The following TMPRSS9 variants were observed in gnomAD, a reference collection of about 807,000 sequenced individuals.
TMPRSS9 encodes the protein transmembrane serine protease 9, also known as transmembrane protease serine 9.
TMPRSS9 carries 113 observed loss-of-function variants against 111.4 expected under a neutral mutation model. That is an observed-to-expected ratio of 1.01 (90% CI 0.87 to 1.19). The LOEUF (loss-of-function observed/expected upper bound fraction) is 1.19. Ranked by LOEUF, TMPRSS9 falls within the 50% of genes most tolerant of loss-of-function variation. TMPRSS9 has a pLI of 0.00. For missense variants in TMPRSS9, 1,803 were observed against 1,513.1 expected, an observed-to-expected ratio of 1.19 and a Z score of -3.18; for synonymous variants, 805 against 659.1, an observed-to-expected ratio of 1.22 and a Z score of -3.39.
At chr19:2,364,815 C>T (rs1970235762) in intron 1 of TMPRSS9, among the ~76,000 whole-genome samples, 1 of 151,816 alleles carries the variant, frequency 6.6e-6, no homozygotes, top group Middle Eastern at 3.2e-3. Context: ...GAAACCCCAT[C>T]TCTACTAAAA....
At chr19:2,378,681 G>C (rs1055121020) in intron 1 of TMPRSS9, among the ~76,000 whole-genome samples, 2 of 152,208 alleles carry the variant, frequency 1.3e-5, no homozygotes, top group Non-Finnish European at 2.9e-5. Flanking sequence ...TTGTGCCACT[G>C]CACTCCAGCC....
At position 2,390,254 on chromosome 19, in the gene TMPRSS9, T is replaced by TG. The variant is rs1322103027; in HGVS notation, c.142+327_142+328insG. Among the ~76,000 whole-genome samples, 111 of 125,012 alleles carry TG rather than the reference T, an allele frequency of 8.9e-4. 1 individual carries two copies. Among genetic ancestry groups the TG allele is most frequent in the African/African-American group, 3.2e-3 (107 of 33,660 alleles). 82.0% of individuals were successfully genotyped at this position (125,012 alleles called of 152,430 possible). ...TAGTTTTTTTTTTTGTTTTTTTTTT[T>TG]TTTTGAGACGGAGTCTCTCTCTGTC... On this transcript the variant is annotated intron_variant, in intron 1 of 17. Coordinates refer to ENST00000648592, the Ensembl canonical transcript of TMPRSS9.
At chr19:2,396,713 C>T (rs559382431) in intron 2 of TMPRSS9, 47 bp downstream of exon 3, 30 of 1,564,686 alleles carry the variant, frequency 1.9e-5, no homozygotes, top group East Asian at 1.2e-4. Context: ...AGCGGGTGGC[C>T]GGGGGCTTTG....
chr19:2,416,322 A>G, intron 11 of TMPRSS9: 2 of 614,864 alleles, frequency 3.3e-6, no homozygotes, highest in Non-Finnish European at 5.5e-6. Context: ...GGGTCCCCTG[A>G]CTTGTCCGAG....
rs762927727 is a variant in TMPRSS9, at chr19:2,364,289, AGTTGATG to A, written c.-26+3935_-26+3941del. Among the ~76,000 whole-genome samples, 42 of 152,342 alleles carry A rather than the reference AGTTGATG, an allele frequency of 2.8e-4. No individual in the cohort carries two copies. The South Asian group carries it at 8.3e-3, about 30-fold the overall frequency. On this transcript the variant is annotated intron_variant, in intron 1 of 17. Coordinates refer to the TMPRSS9 transcript ENST00000649857. ...GAGGCGAACCTTGGGGTTTTATTGA[AGTTGATG>A]GTTGACGCAGCCCTGCAGGCTGTTC...
At chr19:2,399,092 G>T in exon 4 of TMPRSS9, 1 of 1,613,696 alleles carries the variant, frequency 6.2e-7, no homozygotes. Flanking sequence ...CTGAGCCTGG[G>T]CCTGGAGGAG....
intron 1 of TMPRSS9, among the ~76,000 whole-genome samples, chr19:2,370,608 C>G (rs572941078): frequency 2.0e-5 from 3 of 152,006 alleles, no homozygotes; most frequent in African/African-American, 7.3e-5. Context: ...GGATTACAGG[C>G]GTGAGCCACC....
chr19:2,416,662 G>T, exon 12 of TMPRSS9: 1 of 1,613,080 alleles, frequency 6.2e-7, no homozygotes, highest in Non-Finnish European at 8.5e-7. Flanking sequence ...TGGCATCCTG[G>T]ACTTCGACCT....
intron 1 of TMPRSS9, among the ~76,000 whole-genome samples, chr19:2,366,285 T>C (rs1275437417): frequency 2.0e-5 from 3 of 151,826 alleles, no homozygotes; most frequent in East Asian, 1.9e-4. Context: ...AGGTTGAGGC[T>C]TCAGTGAGCT....
At chr19:2,364,861 C>T (rs1970236131) in intron 1 of TMPRSS9, among the ~76,000 whole-genome samples, 1 of 151,942 alleles carries the variant, frequency 6.6e-6, no homozygotes, top group Non-Finnish European at 1.5e-5. Context: ...GTGGCGGGCG[C>T]CTGTAATCTC....
upstream of TMPRSS9, among the ~76,000 whole-genome samples, chr19:2,388,297 G>T (rs1771335744): frequency 1.3e-5 from 2 of 152,034 alleles, no homozygotes; most frequent in Non-Finnish European, 2.9e-5. Context: ...GAGGTGGGAG[G>T]ATCGCTTGAG....
chr19:2,423,335 G>A (rs1442981522), intron 14 of TMPRSS9, among the ~76,000 whole-genome samples: 2 of 151,936 alleles, frequency 1.3e-5, no homozygotes, highest in Non-Finnish European at 2.9e-5. Flanking sequence ...CAGCGGCTGC[G>A]GCTGCTGTCA....
exon 1 of TMPRSS9, chr19:2,389,777 C>G: frequency 6.2e-7 from 1 of 1,610,720 alleles, no homozygotes; most frequent in Admixed American, 1.7e-5. Context: ...GTCTGCGTGT[C>G]TCTGAGCCAT....
At chr19:2,403,315 G>A in intron 6 of TMPRSS9, 120 bp downstream of exon 7, 2 of 824,894 alleles carry the variant, frequency 2.4e-6, no homozygotes, top group East Asian at 5.4e-5. Flanking sequence ...CATTTATGGG[G>A]GCTGGGCAGA....
In TMPRSS9 at chr19:2,363,811, C is replaced by T. The variant is rs566971963; in HGVS notation, c.-26+3451C>T. On this transcript the variant is annotated intron_variant, in intron 1 of 17. Transcript: ENST00000649857. ...GTGAGTGTGTGTGTGTGTGCGTGCGCGCGTGTGTGTGTGAGAGAGAGAGAG... is the reference window on the plus strand; with the variant it reads ...GTGAGTGTGTGTGTGTGTGCGTGCGTGCGTGTGTGTGTGAGAGAGAGAGAG... 5.3e-3 allele frequency among the ~76,000 whole-genome samples: 609 copies of T among 114,900 alleles called. 3 individuals are homozygous for T. Among genetic ancestry groups the T allele is most frequent in the Middle Eastern group, 0.019 (4 of 208 alleles). The allele number at this position is 114,900 out of a possible 152,430, so 75.4% of individuals were successfully genotyped here.
At position 2,408,392 on chromosome 19, in the gene TMPRSS9, T is replaced by C. The variant is rs749924769; in HGVS notation, c.879T>C (p.Gly293=). ...CGACGAAGTGGGTGGCCTACGTGGG[T>C]GCGACCTACCTCAGCGGCTCGGAGG... Residue 293 remains glycine (G), a synonymous_variant, in exon 8 of 18, where the codon GGT becomes GGC. Transcript: ENST00000648592. 8.7e-6 allele frequency: 14 copies of C among 1,613,656 alleles called. 1 individual carries two copies. The highest frequency in any genetic ancestry group is 8.3e-5 in the Admixed American group (5 of 59,944).
intron 13 of TMPRSS9, among the ~76,000 whole-genome samples, chr19:2,420,385 T>G (rs1258051355): frequency 7.0e-6 from 1 of 142,104 alleles, no homozygotes. Flanking sequence ...GAGGTCACAG[T>G]GAGCCGAGAT....
intron 1 of TMPRSS9, among the ~76,000 whole-genome samples, chr19:2,363,349 G>A (rs1464312298): frequency 2.0e-5 from 3 of 152,190 alleles, no homozygotes; most frequent in Non-Finnish European, 4.4e-5. Flanking sequence ...GAACGCTGGA[G>A]CATCGGAGTT....
intron 7 of TMPRSS9, among the ~76,000 whole-genome samples, chr19:2,405,810 A>G (rs1171370931): frequency 6.9e-6 from 1 of 145,630 alleles, no homozygotes; most frequent in African/African-American, 2.6e-5. Flanking sequence ...GGTTCACGCC[A>G]TTCTCCTGCC....
Sources: allele counts gnomAD v4.1 joint callset (sites outside exome capture counted in the v4.1 genomes callset), GRCh38; gene constraint gnomAD v4.1.1; transcripts MANE v1.5; gene names NCBI Gene and HGNC (gene_info 2026-07-23, HGNC 2026-07-21).